TGFB3: variants seen among roughly 807,000 people sequenced by gnomAD.
TGFB3 encodes transforming growth factor beta-3 proprotein.
TGFB3 carries 5 observed loss-of-function variants against 40.1 expected under a neutral mutation model. That is an observed-to-expected ratio of 0.12 (90% CI 0.07 to 0.26). The LOEUF is 0.26. Among genes scored for constraint, TGFB3 ranks in the 10% least tolerant of loss-of-function variants. The pLI is 1.00. For synonymous variants in TGFB3, 184 were observed against 205.6 expected, an observed-to-expected ratio of 0.89 and a Z score of 0.90; for missense variants, 373 against 530.1, an observed-to-expected ratio of 0.70 and a Z score of 2.91.
intron 1 of TGFB3, among the ~76,000 whole-genome samples, chr14:75,976,757 G>A (rs1038938131): frequency 4.6e-5 from 7 of 152,114 alleles, no homozygotes; most frequent in African/African-American, 1.7e-4. Flanking sequence ...TTGACCCCAA[G>A]ACCAAGTGTC....
Position 75,960,855 on chromosome 14 carries a change from C to CAA in TGFB3, c.1080+67_1080+68insTT. 1.9e-6 allele frequency: 3 copies of CAA among 1,601,152 alleles called. No homozygotes were observed. In the South Asian group the frequency reaches 3.3e-5, roughly 18 times the overall value. On this transcript the variant is annotated intron_variant, in intron 6 of 6. Transcript: ENST00000238682. ...CTCACTCAACATTCAATCCTTCACT[C>CAA]ATTCTTTTTAACAAGTGGTCTGGTC... is the stretch of plus-strand genomic sequence containing the variant.
At chr14:75,975,974 G>GA (rs2035349302) in intron 1 of TGFB3, among the ~76,000 whole-genome samples, 2 of 152,160 alleles carry the variant, frequency 1.3e-5, no homozygotes, top group African/African-American at 2.4e-5. Context: ...CCATTGCACA[G>GA]AAAAAATATA....
Position 75,971,987 on chromosome 14 carries a change from C to T in TGFB3, c.353-269G>A, listed in dbSNP as rs2035299869. Among the ~76,000 whole-genome samples the T allele has an allele frequency of 6.6e-6, 1 of 152,228 alleles. No individual in the cohort carries two copies. Among genetic ancestry groups the T allele is most frequent in the Non-Finnish European group, 1.5e-5 (1 of 68,028 alleles). On this transcript the variant is annotated intron_variant, in intron 1 of 6. Transcript: ENST00000238682. This position sits in a 1 kb window ranked among gnomAD's most constrained non-coding sequence, Gnocchi z 4.5. ...TCTAATTGCCCCCTCCTCCCACTGC[C>T]TTGACATCTCAGTTCTGGTAAGTTT...
At chr14:75,964,095 C>T (rs1372877442) in intron 4 of TGFB3, among the ~76,000 whole-genome samples, 2 of 152,208 alleles carry the variant, frequency 1.3e-5, no homozygotes, top group Non-Finnish European at 2.9e-5. Flanking sequence ...AGGCTGGTCT[C>T]GAACTCCTGA....
chr14:75,961,572 TTCAACAGA>T (rs1348584135), intron 5 of TGFB3, among the ~76,000 whole-genome samples: 9 of 152,206 alleles, frequency 5.9e-5, no homozygotes, highest in African/African-American at 2.2e-4. Context: ...AGAACCGTGG[TTCAACAGA>T]TCACCCAAAT....
chr14:75,962,708 C>A (rs1018192165), intron 5 of TGFB3, among the ~76,000 whole-genome samples: 1 of 152,190 alleles, frequency 6.6e-6, no homozygotes, highest in Non-Finnish European at 1.5e-5. Context: ...TCATCTTCTC[C>A]CTTTTAGTAG....
At chr14:75,966,752 A>G (rs1027300104) in intron 3 of TGFB3, 1 of 152,250 alleles carries the variant, frequency 6.6e-6, no homozygotes, top group Non-Finnish European at 1.5e-5. Flanking sequence ...GGAAGCAGGA[A>G]CTCAGTAAAT....
rs897192354 is a variant in TGFB3, at chr14:75,980,137, A to C, written c.352+405T>G. The stretch of plus-strand genomic sequence containing the variant: ...AGCAGGGAGAAGATGAGGTCTCCAC[A>C]CTGAGAACCGTAAGGGCTCCTGACA... On this transcript the variant is annotated intron_variant, in intron 1 of 6. Coordinates refer to ENST00000238682, the MANE Select transcript of TGFB3 (RefSeq NM_003239.5). This position sits in a 1 kb window ranked among gnomAD's most constrained non-coding sequence, Gnocchi z 4.3. 3.7e-4 allele frequency among the ~76,000 whole-genome samples: 57 copies of C among 152,328 alleles called. No individual in the cohort carries two copies. Among genetic ancestry groups the C allele is most frequent in the Non-Finnish European group, 3.7e-4 (25 of 68,018 alleles).
chr14:75,961,725 A>G (rs2035158576), intron 5 of TGFB3, among the ~76,000 whole-genome samples: 1 of 152,232 alleles, frequency 6.6e-6, no homozygotes, highest in Non-Finnish European at 1.5e-5. Flanking sequence ...GGCAGCTATT[A>G]GCCAAAATCT....
chr14:75,962,804 A>C (rs530378831), intron 5 of TGFB3, among the ~76,000 whole-genome samples: 1 of 152,142 alleles, frequency 6.6e-6, no homozygotes, highest in Non-Finnish European at 1.5e-5. Context: ...CTATCTCTCT[A>C]TTGTGGCTAC....
rs886050797 is a variant in TGFB3 at position 75,971,732 on chromosome 14, C to T, written c.353-14G>A. The T allele has an allele frequency of 6.2e-7, 1 of 1,614,032 alleles. No individual in the cohort carries two copies. The highest frequency in any genetic ancestry group is 1.7e-5 in the Admixed American group (1 of 60,016). The stretch of plus-strand genomic sequence containing the variant: ...CAGCCAGTTCGTCTAGGAGATAAAG[C>T]AGAGCAGAGGGCACAGCATGAGCGA... On this transcript the variant is annotated splice_polypyrimidine_tract_variant and intron_variant, in intron 1 of 6. Coordinates refer to ENST00000238682, the MANE Select transcript of TGFB3 (RefSeq NM_003239.5). The surrounding 1 kb of genome is among the most constrained non-coding windows in gnomAD (Gnocchi z 4.5).
chr14:75,968,104 C>T (rs1157188052), intron 3 of TGFB3, among the ~76,000 whole-genome samples: 2 of 152,198 alleles, frequency 1.3e-5, no homozygotes, highest in Admixed American at 6.5e-5. Context: ...TGGACTCCAA[C>T]CCACTCTGCG....
chr14:75,962,124 A>T (rs2035164716), intron 5 of TGFB3, among the ~76,000 whole-genome samples: 1 of 152,156 alleles, frequency 6.6e-6, no homozygotes. Flanking sequence ...AGCATGGCAG[A>T]CTGGAAAGAG....
chr14:75,963,430 T>C lies in TGFB3; in HGVS notation c.812A>G (p.Lys271Arg), dbSNP rs2035183279. ...GATTAGATGAGGGTTGTGGTGATCC[T>C]TCTGCTTCTTGAGGCGCCCCAGATC... ...RGDLGRLKKQ[K>R]DHHNPHLILM... is the part of the protein sequence containing the mutation. Residue 271 changes from lysine (K) to arginine (R), a missense_variant, in exon 5 of 7, where the codon AAG (lysine) becomes AGG (arginine). By Grantham distance (26) the Lys-to-Arg change is conservative. Coordinates refer to ENST00000238682, the MANE Select transcript of TGFB3 (RefSeq NM_003239.5). 6.2e-7 allele frequency: 1 copy of C among 1,613,942 alleles called. No individual in the cohort carries two copies. The highest frequency in any genetic ancestry group is 8.5e-7 in the Non-Finnish European group (1 of 1,180,010).
chr14:75,964,725 T>C (rs2035201448), intron 4 of TGFB3, among the ~76,000 whole-genome samples: 1 of 152,092 alleles, frequency 6.6e-6, no homozygotes, highest in South Asian at 2.1e-4. Context: ...AATGGGAAGG[T>C]TTCATCCTAA....
chr14:75,963,521 C>A, intron 4 of TGFB3, 34 bp from the exon 5 acceptor site: 1 of 1,613,626 alleles, frequency 6.2e-7, no homozygotes, highest in Non-Finnish European at 8.5e-7. Flanking sequence ...AATCTCCTGT[C>A]TGAAGAGAGC....
rs1313665198 is a variant in TGFB3, at chr14:75,958,228, G to A, written c.*959C>T. On this transcript the variant is annotated 3_prime_UTR_variant, in exon 7 of 7. Coordinates refer to ENST00000238682, the MANE Select transcript of TGFB3 (RefSeq NM_003239.5). ...TATTCATACTTGTCTTTATACCTCA[G>A]TCTATGCGTCTGGGGCCAAGTCACT... The A allele has an allele frequency of 2.6e-5, 4 of 152,618 alleles. No homozygotes were observed. Among genetic ancestry groups the A allele is most frequent in the African/African-American group, 7.2e-5 (3 of 41,434 alleles). 9.5% of individuals were successfully genotyped at this position (152,618 alleles called of 1,614,324 possible).
chr14:75,978,822 G>T lies in TGFB3; in HGVS notation c.352+1720C>A, dbSNP rs528188093. Among the ~76,000 whole-genome samples, 18 of 152,240 alleles carry T rather than the reference G, an allele frequency of 1.2e-4. No individual in the cohort carries two copies. The highest frequency in any genetic ancestry group is 4.2e-4 in the South Asian group (2 of 4,816). ...TCAGCTCAGGATTCCGGGATGGGGG[G>T]GTCCTGGTGACTCAGAATGCTTCCT... On this transcript the variant is annotated intron_variant, in intron 1 of 6. Coordinates refer to ENST00000238682, the MANE Select transcript of TGFB3 (RefSeq NM_003239.5). The surrounding 1 kb of genome is among the most constrained non-coding windows in gnomAD (Gnocchi z 5.0).
intron 3 of TGFB3, chr14:75,965,897 T>G: frequency 1.7e-6 from 1 of 599,046 alleles, no homozygotes; most frequent in Non-Finnish European, 3.0e-6. Flanking sequence ...TTCCAGGTAT[T>G]CCTGTTGTAT....
Sources: gnomAD v4.1 joint callset for allele counts (sites outside exome capture counted in the v4.1 genomes callset) on GRCh38, gnomAD v4.1.1 for gene constraint, Gnocchi (gnomAD v3.1) non-coding constraint, MANE v1.5 for transcripts, NCBI Gene and HGNC (gene_info 2026-07-23, HGNC 2026-07-21) for gene names.